OSBPL6: variants seen among roughly 807,000 people sequenced by gnomAD.
OSBPL6 encodes oxysterol binding protein like 6.
Under a neutral mutation model 125.8 loss-of-function variants are expected in OSBPL6, and 49 were observed. The observed-to-expected ratio is 0.39, with a 90% CI of 0.31 to 0.49. The LOEUF (loss-of-function observed/expected upper bound fraction) is 0.49. OSBPL6 is among the 20% of genes least tolerant of loss of function. OSBPL6 has a pLI of 0.88. For synonymous variants in OSBPL6, 394 were observed against 391.8 expected (o/e 1.01, Z -0.07); for missense variants, 986 against 1,135.4 (o/e 0.87, Z 1.89).
chr2:178,301,794 G>T (rs910933563), intron 2 of OSBPL6, among the ~76,000 whole-genome samples: 1 of 152,082 alleles, frequency 6.6e-6, no homozygotes, highest in Non-Finnish European at 1.5e-5. Flanking sequence ...ATGGCTCTTT[G>T]CCCTGCCTCT....
intron 22 of OSBPL6, 23 bp downstream of exon 22, chr2:178,391,240 G>T (rs544631402): frequency 1.3e-6 from 2 of 1,573,426 alleles, no homozygotes; most frequent in Non-Finnish European, 1.7e-6. Flanking sequence ...TGAGTGTTCT[G>T]CCAACAGGAG....
At chr2:178,326,563 C>T (rs12151447) in intron 4 of OSBPL6, among the ~76,000 whole-genome samples, 25,963 of 152,004 alleles carry the variant, frequency 0.17, 2,537 homozygotes, top group Admixed American at 0.31. Flanking sequence ...TCCTAGTCTA[C>T]TAAGTATAGA....
At chr2:178,257,452 T>C (rs944405697) in intron 1 of OSBPL6, among the ~76,000 whole-genome samples, 2 of 152,240 alleles carry the variant, frequency 1.3e-5, no homozygotes, top group Admixed American at 6.5e-5. Flanking sequence ...TTGCTATTTT[T>C]TTAGGCAGGA....
In OSBPL6 at chr2:178,320,208, A is replaced by T. The variant is rs1317294040; in HGVS notation, c.103-3969A>T. The T allele has an allele frequency of 2.0e-6, 3 of 1,525,226 alleles. No individual in the cohort carries two copies. In the Admixed American group the frequency reaches 6.3e-5, roughly 32 times the overall value. 94.5% of individuals were successfully genotyped at this position (1,525,226 alleles called of 1,614,324 possible). ...GTCTGTCTGTTTACCTATGTCTTTG[A>T]TACCAAGTAAACTAGACTACAGTCA... is the stretch of plus-strand genomic sequence containing the variant. On this transcript the variant is annotated intron_variant, in intron 3 of 24. Transcript: ENST00000190611.
chr2:178,343,891 A>G (rs925291883), intron 11 of OSBPL6, among the ~76,000 whole-genome samples: 2 of 152,120 alleles, frequency 1.3e-5, no homozygotes, highest in African/African-American at 4.8e-5. Context: ...TAGCCTTCCC[A>G]CATTATTTCA....
chr2:178,210,012 TTATC>T (rs1410876447), intron 1 of OSBPL6, among the ~76,000 whole-genome samples: 4 of 149,364 alleles, frequency 2.7e-5, no homozygotes, highest in African/African-American at 5.1e-5. Context: ...TTTTATTTAT[TTATC>T]TATTTATTTA....
At chr2:178,219,680 G>T (rs13403689) in intron 1 of OSBPL6, among the ~76,000 whole-genome samples, 60,112 of 152,058 alleles carry the variant, frequency 0.4, 12,370 homozygotes, top group African/African-American at 0.5. Context: ...TTTCCAGCAA[G>T]ATTCTACTTT....
At chr2:178,196,231 C>T (rs1026266651) in intron 1 of OSBPL6, among the ~76,000 whole-genome samples, 4 of 152,206 alleles carry the variant, frequency 2.6e-5, no homozygotes, top group African/African-American at 9.6e-5. Context: ...ATGCATAGCC[C>T]TCATTGGGAA....
chr2:178,259,432 G>T (rs1333000202), intron 1 of OSBPL6, among the ~76,000 whole-genome samples: 5 of 149,952 alleles, frequency 3.3e-5, no homozygotes, highest in Non-Finnish European at 4.4e-5. Flanking sequence ...AAGTAGAAGA[G>T]AAATGATCAA....
chr2:178,230,026 G>A (rs1335612807), intron 1 of OSBPL6, among the ~76,000 whole-genome samples: 1 of 152,198 alleles, frequency 6.6e-6, no homozygotes, highest in East Asian at 1.9e-4. Flanking sequence ...ATCACTCATA[G>A]TGTTGTTCTC....
chr2:178,331,689 T>C, intron 6 of OSBPL6, 84 bp downstream of exon 6: 1 of 1,420,806 alleles, frequency 7.0e-7, no homozygotes, highest in South Asian at 1.2e-5. Context: ...ACAAGCCTTG[T>C]GCCATAGTTA....
At chr2:178,343,782 C>T (rs906911983) in intron 11 of OSBPL6, among the ~76,000 whole-genome samples, 1 of 152,132 alleles carries the variant, frequency 6.6e-6, no homozygotes, top group Non-Finnish European at 1.5e-5. Flanking sequence ...GAAGAACCCT[C>T]ATACCCTTCC....
chr2:178,275,304 G>T (rs767064825), intron 1 of OSBPL6, among the ~76,000 whole-genome samples: 17 of 152,140 alleles, frequency 1.1e-4, no homozygotes, highest in Non-Finnish European at 2.5e-4. Context: ...TTGAAGTCAG[G>T]AGTTTGAGGT....
chr2:178,303,976 A>G (rs1686523886), intron 2 of OSBPL6, among the ~76,000 whole-genome samples: 1 of 152,206 alleles, frequency 6.6e-6, no homozygotes, highest in African/African-American at 2.4e-5. Context: ...TATGATAAAA[A>G]TCAAAATGCC....
intron 1 of OSBPL6, among the ~76,000 whole-genome samples, chr2:178,220,879 A>T (rs1258338541): frequency 1.3e-5 from 2 of 152,190 alleles, no homozygotes; most frequent in Non-Finnish European, 2.9e-5. Flanking sequence ...GATGTTGCTG[A>T]GATGCTGCAT....
At chr2:178,338,193 G>A (rs1021594652) in intron 9 of OSBPL6, among the ~76,000 whole-genome samples, 4 of 151,866 alleles carry the variant, frequency 2.6e-5, no homozygotes, top group African/African-American at 9.7e-5. Flanking sequence ...TCTGCCTCCC[G>A]ACGTGCTGGG....
intron 3 of OSBPL6, among the ~76,000 whole-genome samples, chr2:178,316,937 A>T (rs1458437641): frequency 6.6e-6 from 1 of 152,194 alleles, no homozygotes; most frequent in Non-Finnish European, 1.5e-5. Flanking sequence ...ATTAAATTGA[A>T]AAAATAGTAC....
chr2:178,317,860 C>T (rs541307602), intron 3 of OSBPL6, among the ~76,000 whole-genome samples: 3 of 152,020 alleles, frequency 2.0e-5, no homozygotes, highest in Admixed American at 6.6e-5. Flanking sequence ...ATTTTCAGGT[C>T]ACAGTTTTCC....
intron 1 of OSBPL6, among the ~76,000 whole-genome samples, chr2:178,201,815 G>C (rs906166936): frequency 7.9e-5 from 12 of 152,174 alleles, no homozygotes; most frequent in Non-Finnish European, 1.6e-4. Flanking sequence ...AGGGACCTGT[G>C]GCATTTGTTT....
Sources: gnomAD v4.1 joint callset for allele counts (sites outside exome capture counted in the v4.1 genomes callset) on GRCh38, gnomAD v4.1.1 for gene constraint, MANE v1.5 for transcripts, NCBI Gene and HGNC (gene_info 2026-07-23, HGNC 2026-07-21) for gene names.